GALNT18: variants seen among roughly 807,000 people sequenced by gnomAD.
GALNT18 encodes the protein polypeptide N-acetylgalactosaminyltransferase 18.
A neutral mutation model predicts 69.5 loss-of-function variants in GALNT18; 44 were observed. The observed-to-expected ratio is 0.63, with a 90% CI of 0.50 to 0.81. GALNT18 has a LOEUF of 0.81. GALNT18 is among the 40% of genes least tolerant of loss of function. The pLI is 0.00. For synonymous variants in GALNT18, 364 were observed against 318.2 expected (o/e 1.14, Z -1.53); for missense variants, 715 against 810.0 (o/e 0.88, Z 1.42).
chr11:11,569,183 A>C (rs1858724264), intron 1 of GALNT18, among the ~76,000 whole-genome samples: 1 of 151,896 alleles, frequency 6.6e-6, no homozygotes, highest in African/African-American at 2.4e-5. Context: ...CAACTCAACC[A>C]AGAGTTATAA....
At chr11:11,272,423 C>T (rs563733855) in intron 10 of GALNT18, among the ~76,000 whole-genome samples, 1 of 152,270 alleles carries the variant, frequency 6.6e-6, no homozygotes, top group Admixed American at 6.5e-5. Context: ...GAGTAGTGAT[C>T]TTTCTAAAAT....
chr11:11,476,794 A>G (rs1018656015), intron 1 of GALNT18, among the ~76,000 whole-genome samples: 1 of 152,236 alleles, frequency 6.6e-6, no homozygotes, highest in Non-Finnish European at 1.5e-5. Context: ...CAAGAAAGTT[A>G]AGCTGGGAAT....
intron 1 of GALNT18, among the ~76,000 whole-genome samples, chr11:11,522,062 G>C (rs891814435): frequency 4.6e-5 from 7 of 152,168 alleles, no homozygotes; most frequent in African/African-American, 1.2e-4. Context: ...AGCCATGTCA[G>C]CCACACTGGG....
rs1286915971 is a variant in GALNT18 at position 11,542,030 on chromosome 11, C to T, written c.235+79329G>A. On this transcript the variant is annotated intron_variant, in intron 1 of 10. Transcript: ENST00000227756. The surrounding 1 kb of genome is among the most constrained non-coding windows in gnomAD (Gnocchi z 4.3). ...GACCCCGCTGTAAATATGAAGGAGC[C>T]AACCAACCACGATGTTGGATTGCTG... is the stretch of plus-strand genomic sequence containing the variant. 6.6e-6 allele frequency among the ~76,000 whole-genome samples: 1 copy of T among 152,136 alleles called. No individual in the cohort carries two copies. The highest frequency in any genetic ancestry group is 1.5e-5 in the Non-Finnish European group (1 of 68,018).
intron 1 of GALNT18, among the ~76,000 whole-genome samples, chr11:11,525,877 G>A (rs976079192): frequency 2.0e-5 from 3 of 151,836 alleles, no homozygotes; most frequent in African/African-American, 4.8e-5. Flanking sequence ...CAGGTGATCC[G>A]CCCGCCTCAG....
At chr11:11,472,167 C>A (rs543297354) in intron 1 of GALNT18, among the ~76,000 whole-genome samples, 2 of 152,344 alleles carry the variant, frequency 1.3e-5, no homozygotes, top group South Asian at 4.1e-4. Context: ...AGGACAGGGG[C>A]TCCACTACCT....
chr11:11,378,447 G>T (rs972383894), intron 4 of GALNT18, among the ~76,000 whole-genome samples: 3 of 152,220 alleles, frequency 2.0e-5, no homozygotes, highest in Non-Finnish European at 4.4e-5. Context: ...CCTGCAGGGA[G>T]GTCTGCATCC....
intron 1 of GALNT18, among the ~76,000 whole-genome samples, chr11:11,547,728 C>T (rs149609164): frequency 1.4e-4 from 22 of 152,334 alleles, no homozygotes; most frequent in Admixed American, 9.8e-4. Flanking sequence ...CCATCCTCTA[C>T]GCTGCAATTG....
intron 6 of GALNT18, chr11:11,352,005 A>C (rs1442293638): frequency 6.2e-7 from 1 of 1,613,016 alleles, no homozygotes; most frequent in South Asian, 1.1e-5. Flanking sequence ...AGCAGCAATC[A>C]CTGGTGAGCC....
chr11:11,447,546 C>T (rs914070338), intron 2 of GALNT18, among the ~76,000 whole-genome samples: 2 of 152,158 alleles, frequency 1.3e-5, no homozygotes, highest in African/African-American at 4.8e-5. Flanking sequence ...GAAGAAATAC[C>T]TGTGACTGGG....
rs1850925896 is a variant in GALNT18 at position 11,372,266 on chromosome 11, C to T, written c.1092+249G>A. ...AGTTTGATTTTAAAAGAGGCTGTTC[C>T]CTTGAGTTGGCAGCTTAACCTCTCC... On this transcript the variant is annotated intron_variant, in intron 6 of 10. Coordinates refer to ENST00000227756, the MANE Select transcript of GALNT18 (RefSeq NM_198516.3). The surrounding 1 kb of genome is among the most constrained non-coding windows in gnomAD (Gnocchi z 4.9). 6.6e-6 allele frequency among the ~76,000 whole-genome samples: 1 copy of T among 152,076 alleles called. No homozygotes were observed. Among genetic ancestry groups the T allele is most frequent in the Non-Finnish European group, 1.5e-5 (1 of 68,016 alleles).
rs944401588 is a variant in GALNT18 at position 11,396,325 on chromosome 11, C to T, written c.596-17061G>A. Among the ~76,000 whole-genome samples the T allele has an allele frequency of 9.9e-5, 15 of 152,180 alleles. No homozygotes were observed. The highest frequency in any genetic ancestry group is 1.9e-4 in the East Asian group (1 of 5,172). On this transcript the variant is annotated intron_variant, in intron 3 of 10. Transcript: ENST00000227756. This position sits in a 1 kb window ranked among gnomAD's most constrained non-coding sequence, Gnocchi z 5.2. ...ACATGGATCAAGAAGGGCAACATTT[C>T]GAGAGGTGAGGAAGAGAGAGTTTGC...
intron 9 of GALNT18, among the ~76,000 whole-genome samples, chr11:11,325,228 C>G (rs1849897970): frequency 6.6e-6 from 1 of 152,156 alleles, no homozygotes; most frequent in South Asian, 2.1e-4. Context: ...AGCTGGAGGC[C>G]ATTATTCTAA....
chr11:11,295,352 A>G (rs1849379607), intron 9 of GALNT18, among the ~76,000 whole-genome samples: 1 of 152,212 alleles, frequency 6.6e-6, no homozygotes, highest in Non-Finnish European at 1.5e-5. Context: ...AGGGAACCAC[A>G]AGGGATAGGA....
intron 1 of GALNT18, among the ~76,000 whole-genome samples, chr11:11,516,688 C>T (rs1857284567): frequency 6.6e-6 from 1 of 152,100 alleles, no homozygotes; most frequent in African/African-American, 2.4e-5. Context: ...TCTGCCTTTC[C>T]TCATCATTAA....
chr11:11,571,211 T>C (rs1565019271), intron 1 of GALNT18, among the ~76,000 whole-genome samples: 1 of 152,232 alleles, frequency 6.6e-6, no homozygotes, highest in Non-Finnish European at 1.5e-5. Context: ...GGCTAGTCAG[T>C]GTCAGGACCA....
At chr11:11,581,196 A>G (rs1316808256) in intron 1 of GALNT18, among the ~76,000 whole-genome samples, 2 of 152,150 alleles carry the variant, frequency 1.3e-5, no homozygotes, top group African/African-American at 4.8e-5. Context: ...GGGCTGGAGT[A>G]GGGGCCCCGA....
intron 1 of GALNT18, among the ~76,000 whole-genome samples, chr11:11,458,041 T>G (rs1161623608): frequency 6.6e-6 from 1 of 152,174 alleles, no homozygotes; most frequent in Non-Finnish European, 1.5e-5. Flanking sequence ...ACACTTGGGG[T>G]GCAGACCCAG....
At chr11:11,293,247 AG>A in intron 9 of GALNT18, 54 bp from the exon 10 acceptor site, 3 of 1,291,088 alleles carry the variant, frequency 2.3e-6, no homozygotes, top group Non-Finnish European at 3.0e-6. Context: ...CCACGGAGAC[AG>A]GAGCATAGGT....
Sources: allele counts gnomAD v4.1 joint callset (sites outside exome capture counted in the v4.1 genomes callset), GRCh38; gene constraint gnomAD v4.1.1; non-coding constraint Gnocchi (gnomAD v3.1); transcripts MANE v1.5; gene names NCBI Gene and HGNC (gene_info 2026-07-23, HGNC 2026-07-21).